BAZ2B: variants seen among roughly 807,000 people sequenced by gnomAD.
BAZ2B encodes the protein bromodomain adjacent to zinc finger domain protein 2B.
In BAZ2B, 91 loss-of-function variants were observed where a neutral mutation model predicts 246.0. The ratio of observed to expected loss-of-function variants is 0.37; its 90% confidence interval spans 0.31 to 0.44. The LOEUF (loss-of-function observed/expected upper bound fraction) is 0.44. Among genes scored for constraint, BAZ2B ranks in the 20% least tolerant of loss-of-function variants. The pLI is 1.00. For missense variants in BAZ2B, 2,332 were observed against 2,533.7 expected, an observed-to-expected ratio of 0.92 and a Z score of 1.71; for synonymous variants, 855 against 860.0, an observed-to-expected ratio of 0.99 and a Z score of 0.10.
In BAZ2B at chr2:159,438,356, T is replaced by C. The variant is rs749691033; in HGVS notation, c.1240A>G (p.Lys414Glu). 5 of 1,614,126 alleles carry C rather than the reference T, an allele frequency of 3.1e-6. No individual in the cohort carries two copies. Among genetic ancestry groups the C allele is most frequent in the Non-Finnish European group, 4.2e-6 (5 of 1,179,968 alleles). The change falls in exon 8 of 37, where the codon AAA (lysine) becomes GAA (glutamate). Residue 414 changes from lysine to glutamate, a missense_variant. By Grantham distance (56) the Lys-to-Glu change is moderately conservative. Transcript: ENST00000392783. Reference protein sequence around the residue: ...PSPDVLKAGNKNTSEESSLLT... With the variant: ...PSPDVLKAGNENTSEESSLLT... Reference sequence around the variant, plus strand: ...AAACTAGATTCTTCAGAGGTATTTTTATTCCCTGCTTTAAGAACATCAGGA... The same window carrying C: ...AAACTAGATTCTTCAGAGGTATTTTCATTCCCTGCTTTAAGAACATCAGGA...
At chr2:159,486,853 A>G (rs2079896045) in intron 2 of BAZ2B, among the ~76,000 whole-genome samples, 1 of 152,094 alleles carries the variant, frequency 6.6e-6, no homozygotes, top group Non-Finnish European at 1.5e-5. Flanking sequence ...GTTCAAAAAG[A>G]AAGAGGTAGA....
At chr2:159,353,439 A>C (rs558789882) in intron 27 of BAZ2B, among the ~76,000 whole-genome samples, 5 of 152,258 alleles carry the variant, frequency 3.3e-5, no homozygotes, top group Non-Finnish European at 1.5e-5. Flanking sequence ...GGATACAACA[A>C]TAAGGAGGAG....
chr2:159,479,754 T>C (rs2079034270), intron 2 of BAZ2B, among the ~76,000 whole-genome samples: 1 of 152,176 alleles, frequency 6.6e-6, no homozygotes, highest in African/African-American at 2.4e-5. Flanking sequence ...AGTATGTAGA[T>C]AATTTTTCTC....
At chr2:159,328,865 T>C (rs201151083) in intron 34 of BAZ2B, among the ~76,000 whole-genome samples, 99 of 152,288 alleles carry the variant, frequency 6.5e-4, no homozygotes, top group African/African-American at 2.4e-3. Flanking sequence ...CAGTGGCTCA[T>C]GCCTGTAATC....
intron 27 of BAZ2B, among the ~76,000 whole-genome samples, chr2:159,358,343 A>G (rs992486368): frequency 1.3e-5 from 2 of 151,906 alleles, no homozygotes; most frequent in African/African-American, 4.9e-5. Flanking sequence ...CTTTAAACCA[A>G]CAAAGATCAA....
At chr2:159,612,346 A>G (rs1313112508) in intron 1 of BAZ2B, among the ~76,000 whole-genome samples, 4 of 152,082 alleles carry the variant, frequency 2.6e-5, no homozygotes, top group South Asian at 4.1e-4. Flanking sequence ...TATGTAACCA[A>G]AAAAACTCTT....
chr2:159,673,345 A>C, the BAZ2B span, among the ~76,000 whole-genome samples: 9 of 152,200 alleles, frequency 5.9e-5, no homozygotes, highest in Middle Eastern at 3.2e-3. Flanking sequence ...AAAAACTCTA[A>C]AGTTTGACAA....
the BAZ2B span, among the ~76,000 whole-genome samples, chr2:159,660,670 G>T: frequency 6.6e-6 from 1 of 152,114 alleles, no homozygotes; most frequent in Non-Finnish European, 1.5e-5. Flanking sequence ...CACAATTTCA[G>T]CTCACTGCAA....
intron 2 of BAZ2B, among the ~76,000 whole-genome samples, chr2:159,551,448 G>A (rs2088221605): frequency 2.3e-5 from 3 of 131,446 alleles, no homozygotes; most frequent in Non-Finnish European, 3.1e-5. Context: ...CAGCCTGGGT[G>A]ACAGTGAGAC....
intron 1 of BAZ2B, among the ~76,000 whole-genome samples, chr2:159,613,960 C>T (rs1333779521): frequency 1.3e-5 from 2 of 152,106 alleles, no homozygotes; most frequent in East Asian, 1.9e-4. Flanking sequence ...GTTACACAAA[C>T]CTTTTCAATG....
chr2:159,643,641 G>A, the BAZ2B span, among the ~76,000 whole-genome samples: 2 of 152,082 alleles, frequency 1.3e-5, no homozygotes, highest in Non-Finnish European at 2.9e-5. Context: ...TTGGGAGTCC[G>A]AGGTAGGTGA....
the BAZ2B span, chr2:159,670,947 T>C: frequency 4.6e-5 from 7 of 152,240 alleles, no homozygotes; most frequent in African/African-American, 1.7e-4. Context: ...GATGATGTTA[T>C]ACTGTCTTCT....
intron 1 of BAZ2B, among the ~76,000 whole-genome samples, chr2:159,586,566 A>G (rs1407520840): frequency 1.3e-5 from 2 of 152,134 alleles, no homozygotes; most frequent in African/African-American, 4.8e-5. Flanking sequence ...TTTGTTCTGT[A>G]TACACTGATA....
chr2:159,324,673 CACACACACACACACA>C, intron 36 of BAZ2B, 123 bp downstream of exon 36: 1 of 214,664 alleles, frequency 4.7e-6, no homozygotes, highest in Middle Eastern at 1.3e-3. Context: ...CACACACACA[CACACACACACACACA>C]CCTGCCTCAA....
At chr2:159,373,542 A>G (rs2061079249) in intron 26 of BAZ2B, among the ~76,000 whole-genome samples, 1 of 152,220 alleles carries the variant, frequency 6.6e-6, no homozygotes, top group African/African-American at 2.4e-5. Flanking sequence ...AATAATACAT[A>G]TAATATGGCC....
intron 27 of BAZ2B, among the ~76,000 whole-genome samples, chr2:159,361,954 G>A (rs1021422015): frequency 6.0e-5 from 9 of 150,188 alleles, no homozygotes; most frequent in Admixed American, 2.0e-4. Context: ...GGGGCCTGTC[G>A]GGGGGGTGAG....
intron 3 of BAZ2B, chr2:159,462,580 G>A (rs145868516): frequency 1.1e-5 from 10 of 869,704 alleles, no homozygotes; most frequent in African/African-American, 8.3e-5. Context: ...TAAACTCCTT[G>A]GCAGTTTGTG....
At chr2:159,323,152 T>G (rs549861840) in intron 36 of BAZ2B, among the ~76,000 whole-genome samples, 2 of 151,982 alleles carry the variant, frequency 1.3e-5, no homozygotes, top group South Asian at 4.2e-4. Flanking sequence ...GCCCAGCTAA[T>G]TTTTGTACTT....
chr2:159,593,749 T>C (rs899062907), intron 1 of BAZ2B, among the ~76,000 whole-genome samples: 27 of 152,286 alleles, frequency 1.8e-4, no homozygotes, highest in African/African-American at 6.3e-4. Context: ...AGTTATTAGA[T>C]TGACAAAACA....
Sources: allele counts gnomAD v4.1 joint callset (sites outside exome capture counted in the v4.1 genomes callset), GRCh38; gene constraint gnomAD v4.1.1; transcripts MANE v1.5; gene names NCBI Gene and HGNC (gene_info 2026-07-23, HGNC 2026-07-21).